The following MYH10 variants were observed in gnomAD, a reference collection of about 807,000 sequenced individuals.
The protein encoded by MYH10 is myosin-10.
A neutral mutation model predicts 257.8 loss-of-function variants in MYH10; 55 were observed. That is an observed-to-expected ratio of 0.21 (90% CI 0.17 to 0.27). MYH10 has a LOEUF of 0.27. MYH10 is among the 10% of genes least tolerant of loss of function. The probability of loss-of-function intolerance (pLI) is 1.00; values close to 1 mark genes in which losing one functional copy is unlikely to be tolerated. For synonymous variants in MYH10, 854 were observed against 921.7 expected (o/e 0.93, Z 1.33); for missense variants, 1,631 against 2,500.6 (o/e 0.65, Z 7.42).
intron 4 of MYH10, among the ~76,000 whole-genome samples, chr17:8,583,355 A>C (rs4239098): frequency 0.97 from 146,994 of 152,174 alleles, 71,202 homozygotes; most frequent in East Asian, 1. Flanking sequence ...TTGAGGACAT[A>C]TAAAATAGAG....
chr17:8,598,710 CTT>C (rs11442242), intron 3 of MYH10, among the ~76,000 whole-genome samples: 17 of 142,778 alleles, frequency 1.2e-4, no homozygotes, highest in Admixed American at 2.1e-4. Context: ...CATTTTGTAC[CTT>C]TTTTTTTTTT....
chr17:8,510,770 A>G (rs1293033647), intron 24 of MYH10, among the ~76,000 whole-genome samples: 1 of 152,118 alleles, frequency 6.6e-6, no homozygotes, highest in Non-Finnish European at 1.5e-5. Flanking sequence ...AATAATTTAA[A>G]TAGTACAGGT....
intron 40 of MYH10, 84 bp downstream of exon 40, chr17:8,480,026 G>C (rs916807369): frequency 1.6e-5 from 21 of 1,341,376 alleles, no homozygotes; most frequent in Admixed American, 7.5e-5. Flanking sequence ...GTGGTGGGGA[G>C]CCCCCCCGAA....
At chr17:8,511,070 ATACATAC>A (rs2081276344) in intron 24 of MYH10, 2 of 52,732 alleles carry the variant, frequency 3.8e-5, no homozygotes, top group Non-Finnish European at 7.5e-5. Context: ...ACACACATAC[ATACATAC>A]ACACACACAC....
intron 17 of MYH10, among the ~76,000 whole-genome samples, chr17:8,527,729 T>C (rs751571804): frequency 4.6e-5 from 7 of 152,218 alleles, no homozygotes; most frequent in East Asian, 1.9e-4. Context: ...GTTGCCTCAG[T>C]TGATACTCAC....
At chr17:8,608,058 C>T (rs1368529825) in intron 2 of MYH10, among the ~76,000 whole-genome samples, 1 of 152,020 alleles carries the variant, frequency 6.6e-6, no homozygotes, top group African/African-American at 2.4e-5. Context: ...AGGATATACT[C>T]GAGGCAGTGC....
At chr17:8,577,083 GA>G in intron 5 of MYH10, 152 bp downstream of exon 5, 2 of 187,024 alleles carry the variant, frequency 1.1e-5, no homozygotes, top group Non-Finnish European at 2.0e-5. Context: ...CTCTGGGGTG[GA>G]AAAAAGCATT....
At position 8,552,077 on chromosome 17, in the gene MYH10, C is replaced by T; in HGVS notation, c.888G>A (p.Gln296=). The change falls in exon 9 of 43, where the codon CAG becomes CAA. Residue 296 remains glutamine, a synonymous_variant. Transcript: ENST00000360416. The surrounding 1 kb of genome is among the most constrained non-coding windows in gnomAD (Gnocchi z 4.8). ...KDERTFHIFY[Q]LLSGAGEHLK... is the part of the protein sequence containing the mutation. The stretch of plus-strand genomic sequence containing the variant: ...GGTGTTCTCCTGCTCCAGATAACAA[C>T]TGGTAAAAGATATGAAAAGTACGTT... The T allele has an allele frequency of 6.4e-7, 1 of 1,558,356 alleles. No homozygotes were observed. The highest frequency in any genetic ancestry group is 1.3e-5 in the South Asian group (1 of 79,554).
chr17:8,588,169 C>CA (rs1302173459), intron 4 of MYH10, among the ~76,000 whole-genome samples: 12 of 152,132 alleles, frequency 7.9e-5, no homozygotes, highest in Non-Finnish European at 1.5e-4. Flanking sequence ...CAGGATTCCA[C>CA]ACTCTGCTTT....
chr17:8,605,684 G>A (rs1194120060), intron 2 of MYH10, among the ~76,000 whole-genome samples: 1 of 152,186 alleles, frequency 6.6e-6, no homozygotes, highest in Non-Finnish European at 1.5e-5. Flanking sequence ...GGCAGAGGCT[G>A]CAGTAAGCCT....
In MYH10 at chr17:8,503,011, G is replaced by A. The variant is rs142764218; in HGVS notation, c.3599+1683C>T. 3.9e-3 allele frequency among the ~76,000 whole-genome samples: 600 copies of A among 152,330 alleles called. 7 individuals are homozygous for A. The highest frequency in any genetic ancestry group is 0.014 in the African/African-American group (564 of 41,582). ...CTGAAGTGGGGTAAGGGCTGGGCGC[G>A]GTGGCTCACGCCTGTAATCCCAGCA... On this transcript the variant is annotated intron_variant, in intron 28 of 42. Coordinates refer to ENST00000360416, the MANE Select transcript of MYH10 (RefSeq NM_001256012.3).
chr17:8,617,461 T>G (rs1481564605), intron 2 of MYH10, among the ~76,000 whole-genome samples: 1 of 152,156 alleles, frequency 6.6e-6, no homozygotes, highest in African/African-American at 2.4e-5. Context: ...CTACCCACAT[T>G]ATTTGTAAAT....
intron 3 of MYH10, among the ~76,000 whole-genome samples, chr17:8,595,616 G>C (rs1260754092): frequency 1.3e-5 from 2 of 151,928 alleles, no homozygotes; most frequent in African/African-American, 4.8e-5. Context: ...ATTTTTAGTA[G>C]AGACAGTTTT....
intron 2 of MYH10, among the ~76,000 whole-genome samples, chr17:8,606,402 T>C (rs969438559): frequency 2.6e-5 from 4 of 152,156 alleles, no homozygotes; most frequent in Non-Finnish European, 5.9e-5. Flanking sequence ...ACAGATCTTT[T>C]ATTTGAGGTG....
intron 11 of MYH10, among the ~76,000 whole-genome samples, 159 bp downstream of exon 11, chr17:8,548,154 A>T (rs2082504754): frequency 6.6e-6 from 1 of 152,134 alleles, no homozygotes; most frequent in South Asian, 2.1e-4. Flanking sequence ...TCATTTATAG[A>T]ATCAGAGGAA....
intron 4 of MYH10, among the ~76,000 whole-genome samples, chr17:8,581,705 T>C (rs190712612): frequency 5.3e-5 from 8 of 152,322 alleles, no homozygotes; most frequent in Admixed American, 4.6e-4. Flanking sequence ...CATAGGGTTG[T>C]TGAAGAAAAA....
chr17:8,494,621 C>T (rs1035071137), intron 31 of MYH10, among the ~76,000 whole-genome samples: 2 of 152,072 alleles, frequency 1.3e-5, no homozygotes, highest in Admixed American at 1.3e-4. Flanking sequence ...TTTAACAAAA[C>T]TAAGCTGTAA....
chr17:8,506,046 T>C lies in MYH10; in HGVS notation c.3386+272A>G, dbSNP rs74252630. 3,584 of 367,074 alleles carry C rather than the reference T, an allele frequency of 9.8e-3. 92 individuals carry two copies. The highest frequency in any genetic ancestry group is 0.071 in the East Asian group (1,432 of 20,074). 22.7% of individuals were successfully genotyped at this position (367,074 alleles called of 1,614,324 possible). ...TGTACAGAGACCAAAACATTTGTTA[T>C]AGTGAAATAATTTGTTCTGGTGTGA... On this transcript the variant is annotated intron_variant, in intron 27 of 42. Transcript: ENST00000360416. The surrounding 1 kb of genome is among the most constrained non-coding windows in gnomAD (Gnocchi z 5.0).
rs55865122 is a variant in MYH10 at position 8,502,480 on chromosome 17, T to TTGTGTG, written c.3600-1516_3600-1511dup. 5.2e-3 allele frequency among the ~76,000 whole-genome samples: 784 copies of TTGTGTG among 150,250 alleles called. 3 individuals carry two copies. The highest frequency in any genetic ancestry group is 0.017 in the African/African-American group (705 of 40,942). ...AGCACGTTGTCTTTTGGGAAAATAG[T>TTGTGTG]TGTGTGTGTGTGTGTGTGTGTGTGT... On this transcript the variant is annotated intron_variant, in intron 28 of 42. Transcript: ENST00000360416.
Sources: allele counts gnomAD v4.1 joint callset (sites outside exome capture counted in the v4.1 genomes callset), GRCh38; gene constraint gnomAD v4.1.1; non-coding constraint Gnocchi (gnomAD v3.1); transcripts MANE v1.5; gene names NCBI Gene and HGNC (gene_info 2026-07-23, HGNC 2026-07-21).